CDH4: variants seen among roughly 807,000 people sequenced by gnomAD.
CDH4 encodes the protein cadherin-4.
In CDH4, 33 loss-of-function variants were observed where a neutral mutation model predicts 86.0. The observed-to-expected ratio is 0.38, with a 90% CI of 0.29 to 0.51. The LOEUF (loss-of-function observed/expected upper bound fraction) is 0.51, where lower values mean the gene tolerates loss of function less well. Ranked by LOEUF, CDH4 falls within the 20% of genes least tolerant of loss-of-function variation. The pLI is 0.86. For synonymous variants in CDH4, 555 were observed against 549.4 expected, an observed-to-expected ratio of 1.01 and a Z score of -0.14; for missense variants, 1,114 against 1,307.4, an observed-to-expected ratio of 0.85 and a Z score of 2.28.
chr20:61,397,767 A>G (rs2145475231), intron 2 of CDH4, among the ~76,000 whole-genome samples: 1 of 152,336 alleles, frequency 6.6e-6, no homozygotes, highest in East Asian at 1.9e-4. Context: ...GTGGACATAC[A>G]TGCATACCTT....
At chr20:61,894,621 C>T (rs1985012486) in intron 7 of CDH4, among the ~76,000 whole-genome samples, 1 of 152,158 alleles carries the variant, frequency 6.6e-6, no homozygotes, top group Non-Finnish European at 1.5e-5. Context: ...TCTATCTTGG[C>T]ACCAAACGTG....
chr20:61,570,946 G>A lies in CDH4; in HGVS notation c.170-172617G>A, dbSNP rs538971117. ...GCTTAAGTAGGTCTGTGTGGGTGCA[G>A]GGCTGCAGGGAGGCAGTACATTTTG... On this transcript the variant is annotated intron_variant, in intron 2 of 15. Transcript: ENST00000614565. Among the ~76,000 whole-genome samples, 7 of 152,326 alleles carry A rather than the reference G, an allele frequency of 4.6e-5. No homozygotes were observed. In the East Asian group the frequency reaches 1.4e-3, roughly 29 times the overall value.
At chr20:61,838,221 G>A (rs1256844125) in intron 4 of CDH4, among the ~76,000 whole-genome samples, 2 of 152,038 alleles carry the variant, frequency 1.3e-5, no homozygotes, top group Non-Finnish European at 2.9e-5. Context: ...GTCCAGGAAC[G>A]GTTGGGCCCT....
rs1419603073 is a variant in CDH4 at position 61,902,984 on chromosome 20, A to G, written c.1189-7438A>G. On this transcript the variant is annotated intron_variant, in intron 8 of 15. Transcript: ENST00000614565. This position sits in a 1 kb window ranked among gnomAD's most constrained non-coding sequence, Gnocchi z 4.6. Reference sequence around the variant, plus strand: ...CAGTGAGGTGTGATCATGCCACTAAACTCCAGCCTGGGCAACAGAGCAAGA... The same window carrying G: ...CAGTGAGGTGTGATCATGCCACTAAGCTCCAGCCTGGGCAACAGAGCAAGA... Among the ~76,000 whole-genome samples the G allele has an allele frequency of 2.8e-5, 4 of 140,968 alleles. No homozygotes were observed. In the East Asian group the frequency reaches 8.4e-4, roughly 30 times the overall value. 92.5% of individuals were successfully genotyped at this position (140,968 alleles called of 152,430 possible).
intron 13 of CDH4, among the ~76,000 whole-genome samples, chr20:61,932,572 C>T (rs540228364): frequency 1.1e-3 from 152 of 138,996 alleles, no homozygotes; most frequent in Non-Finnish European, 1.4e-3. Flanking sequence ...CATGAACACA[C>T]GAGCACACAC....
chr20:61,396,466 G>A (rs575388964), intron 2 of CDH4, among the ~76,000 whole-genome samples: 7 of 152,300 alleles, frequency 4.6e-5, no homozygotes, highest in East Asian at 3.9e-4. Context: ...CTCAAATTGC[G>A]TTCTGCGCAT....
At chr20:61,270,598 C>CA (rs1000580464) in intron 2 of CDH4, among the ~76,000 whole-genome samples, 4 of 149,576 alleles carry the variant, frequency 2.7e-5, no homozygotes, top group African/African-American at 7.3e-5. Flanking sequence ...CCATGTGGAG[C>CA]AAAAAAAATA....
chr20:61,560,577 C>T (rs1045587175), intron 2 of CDH4, among the ~76,000 whole-genome samples: 16 of 152,326 alleles, frequency 1.1e-4, no homozygotes, highest in African/African-American at 2.9e-4. Context: ...TTACTTACCC[C>T]GCCCTGCACT....
At chr20:61,825,268 G>A (rs988498772) in intron 4 of CDH4, among the ~76,000 whole-genome samples, 7 of 152,076 alleles carry the variant, frequency 4.6e-5, no homozygotes, top group Non-Finnish European at 5.9e-5. Flanking sequence ...AATTAGCCCC[G>A]CATGGTGGTG....
intron 11 of CDH4, among the ~76,000 whole-genome samples, chr20:61,926,887 A>G (rs779859567): frequency 1.3e-5 from 2 of 152,068 alleles, no homozygotes; most frequent in Non-Finnish European, 2.9e-5. Flanking sequence ...AAGAAAAAAA[A>G]GAAAGAAAGT....
At chr20:61,551,363 GA>G (rs1488356175) in intron 2 of CDH4, among the ~76,000 whole-genome samples, 1 of 152,204 alleles carries the variant, frequency 6.6e-6, no homozygotes, top group Non-Finnish European at 1.5e-5. Flanking sequence ...AAGTCATACA[GA>G]AAATTTCACA....
intron 2 of CDH4, among the ~76,000 whole-genome samples, chr20:61,653,942 T>C (rs1419738881): frequency 7.4e-6 from 1 of 135,094 alleles, no homozygotes; most frequent in Non-Finnish European, 1.6e-5. Context: ...CTTTCCAGAC[T>C]GGGCAGCCAG....
chr20:61,691,866 C>A (rs1473245703), intron 2 of CDH4, among the ~76,000 whole-genome samples: 1 of 150,438 alleles, frequency 6.6e-6, no homozygotes, highest in Non-Finnish European at 1.5e-5. Flanking sequence ...TATCGCACAC[C>A]TGTCTATGTG....
In CDH4 at chr20:61,448,887, C is replaced by T. The variant is rs540323599; in HGVS notation, c.169+193950C>T. 1.4e-4 allele frequency among the ~76,000 whole-genome samples: 21 copies of T among 152,100 alleles called. No individual in the cohort carries two copies. The South Asian group carries it at 3.1e-3, about 23-fold the overall frequency. ...ATAGCAATAATAATAATAACAACAG[C>T]GTGAAAAATAAAATCGAAAAGCCCT... is the stretch of plus-strand genomic sequence containing the variant. On this transcript the variant is annotated intron_variant, in intron 2 of 15. Transcript: ENST00000614565.
chr20:61,356,228 G>T (rs932117339), intron 2 of CDH4, among the ~76,000 whole-genome samples: 3 of 152,246 alleles, frequency 2.0e-5, no homozygotes, highest in Admixed American at 2.0e-4. Flanking sequence ...TTGGAAGAGG[G>T]TTGAGTCCCT....
chr20:61,523,394 G>A (rs1568876507), intron 2 of CDH4, among the ~76,000 whole-genome samples: 1 of 152,246 alleles, frequency 6.6e-6, no homozygotes, highest in East Asian at 1.9e-4. Context: ...GGCATGGCGT[G>A]CTCCTCGCAC....
At chr20:61,673,792 G>T (rs928522647) in intron 2 of CDH4, among the ~76,000 whole-genome samples, 1 of 152,116 alleles carries the variant, frequency 6.6e-6, no homozygotes, top group African/African-American at 2.4e-5. Context: ...CAAATAACAC[G>T]CGCAAATTAC....
At chr20:61,590,183 G>A (rs2086508309) in intron 2 of CDH4, among the ~76,000 whole-genome samples, 2 of 138,392 alleles carry the variant, frequency 1.4e-5, no homozygotes, top group South Asian at 5.2e-4. Flanking sequence ...GGGGGGAGGA[G>A]GACAGAGAAG....
At chr20:61,850,460 C>T (rs917913460) in intron 5 of CDH4, among the ~76,000 whole-genome samples, 3 of 152,158 alleles carry the variant, frequency 2.0e-5, no homozygotes, top group African/African-American at 7.2e-5. Context: ...AACCCACACC[C>T]ACAATTAAGA....
Sources: allele counts gnomAD v4.1 joint callset (sites outside exome capture counted in the v4.1 genomes callset), GRCh38; gene constraint gnomAD v4.1.1; non-coding constraint Gnocchi (gnomAD v3.1); transcripts MANE v1.5; gene names NCBI Gene and HGNC (gene_info 2026-07-23, HGNC 2026-07-21).